UTRN: variants seen among roughly 807,000 people sequenced by gnomAD.
UTRN encodes dystrophin-related protein 1.
UTRN carries 283 observed loss-of-function variants against 463.9 expected under a neutral mutation model. The ratio of observed to expected loss-of-function variants is 0.61; its 90% CI spans 0.55 to 0.67. UTRN has a LOEUF of 0.67. Ranked by LOEUF, UTRN falls within the 30% of genes least tolerant of loss-of-function variation. The probability of loss-of-function intolerance (pLI) is 0.00; values close to 1 mark genes in which losing one functional copy is unlikely to be tolerated. For missense variants in UTRN, 3,922 were observed against 4,084.3 expected, an observed-to-expected ratio of 0.96 and a Z score of 1.08; for synonymous variants, 1,442 against 1,431.5, an observed-to-expected ratio of 1.01 and a Z score of -0.17.
chr6:144,468,991 C>T lies in UTRN; in HGVS notation c.3067-4729C>T, dbSNP rs117628587. ...ATCTTTGGGACTTGATAACCCTTCC[C>T]GCGCGGTGTGCCACGAGGTGGAAAC... On this transcript the variant is annotated intron_variant, in intron 23 of 74. Transcript: ENST00000367545. Among the ~76,000 whole-genome samples the T allele has an allele frequency of 3.9e-3, 594 of 152,236 alleles. 8 individuals are homozygous for T. The East Asian group carries it at 0.042, about 11-fold the overall frequency.
intron 51 of UTRN, among the ~76,000 whole-genome samples, chr6:144,665,592 A>C (rs1340603387): frequency 2.6e-5 from 4 of 152,234 alleles, no homozygotes; most frequent in Admixed American, 2.6e-4. Flanking sequence ...ATTATTAAAT[A>C]AGTAAAAAGT....
intron 51 of UTRN, among the ~76,000 whole-genome samples, chr6:144,587,380 CTGTG>C (rs1015699236): frequency 6.6e-6 from 1 of 151,998 alleles, no homozygotes; most frequent in African/African-American, 2.4e-5. Flanking sequence ...TGCTTTGTGG[CTGTG>C]TGTGTGTGTT....
intron 41 of UTRN, among the ~76,000 whole-genome samples, chr6:144,524,952 A>G (rs1413230397): frequency 2.6e-5 from 4 of 152,138 alleles, no homozygotes; most frequent in African/African-American, 9.7e-5. Context: ...TGAGGTGATC[A>G]TGTGATTTTT....
chr6:144,834,592 A>G lies in UTRN; in HGVS notation c.9666-1188A>G, dbSNP rs76305897. On this transcript the variant is annotated intron_variant, in intron 69 of 74. Transcript: ENST00000367545. ...CAAGATGAATTTTCAAACCAGAATT[A>G]CAAGTACCAGAGGTCTTCCCCAGCA... Among the ~76,000 whole-genome samples the G allele has an allele frequency of 7.4e-4, 113 of 152,310 alleles. 3 individuals carry two copies. The East Asian group carries it at 0.021, about 28-fold the overall frequency.
intron 2 of UTRN, among the ~76,000 whole-genome samples, chr6:144,338,683 G>C (rs1160799852): frequency 6.6e-6 from 1 of 152,182 alleles, no homozygotes; most frequent in Non-Finnish European, 1.5e-5. Context: ...TAGAGGCCCA[G>C]GGAACATTGC....
intron 62 of UTRN, among the ~76,000 whole-genome samples, chr6:144,789,899 T>C (rs1213174314): frequency 6.6e-6 from 1 of 152,202 alleles, no homozygotes; most frequent in African/African-American, 2.4e-5. Flanking sequence ...GAAAGGTATA[T>C]TGGCTTTGGA....
rs1489319417 is a variant in UTRN at position 144,531,245 on chromosome 6, A to T, written c.6057+43A>T. 3.2e-6 allele frequency: 5 copies of T among 1,575,456 alleles called. No individual in the cohort carries two copies. In the East Asian group the frequency reaches 6.7e-5, roughly 21 times the overall value. On this transcript the variant is annotated intron_variant, in intron 42 of 74. Transcript: ENST00000367545. The stretch of plus-strand genomic sequence containing the variant: ...GAGGAGGGGGACTGCACATATGGTT[A>T]GTGTATGCCTGTTAAGACAGATTTC...
At chr6:144,373,009 A>G (rs970683887) in intron 2 of UTRN, among the ~76,000 whole-genome samples, 2 of 152,222 alleles carry the variant, frequency 1.3e-5, no homozygotes, top group African/African-American at 2.4e-5. Flanking sequence ...TGTAATAAAA[A>G]TGGAAAGAAA....
At chr6:144,570,066 C>T (rs945338602) in intron 50 of UTRN, among the ~76,000 whole-genome samples, 1 of 151,968 alleles carries the variant, frequency 6.6e-6, no homozygotes, top group Non-Finnish European at 1.5e-5. Context: ...TGTTTTTTAC[C>T]ACAAAGTTTG....
chr6:144,300,728 CTA>C (rs1453447793), intron 2 of UTRN, among the ~76,000 whole-genome samples: 3 of 152,136 alleles, frequency 2.0e-5, no homozygotes, highest in Non-Finnish European at 4.4e-5. Context: ...GGCTGGTAAT[CTA>C]TGTTAGAACA....
chr6:144,506,760 G>A (rs1239124958), intron 34 of UTRN, among the ~76,000 whole-genome samples: 1 of 152,134 alleles, frequency 6.6e-6, no homozygotes, highest in Non-Finnish European at 1.5e-5. Flanking sequence ...TTCTTGAGGA[G>A]GAGTATCTTT....
rs376997287 is a variant in UTRN, at chr6:144,425,858, G to C, written c.406-429G>C. 1.5e-4 allele frequency among the ~76,000 whole-genome samples: 23 copies of C among 152,262 alleles called. No homozygotes were observed. The East Asian group carries it at 2.9e-3, about 19-fold the overall frequency. ...AAAATGTTAGTTCTAGAGTATAATC[G>C]TGATTGCAGTCAGGAAAGATACTTT... On this transcript the variant is annotated intron_variant, in intron 6 of 74. Transcript: ENST00000367545.
chr6:144,721,791 A>T (rs566514223), intron 53 of UTRN, among the ~76,000 whole-genome samples: 1 of 152,280 alleles, frequency 6.6e-6, no homozygotes, highest in South Asian at 2.1e-4. Flanking sequence ...TGTTTCAGAT[A>T]TACCTTAGAC....
chr6:144,402,892 C>A (rs1309372697), intron 2 of UTRN, among the ~76,000 whole-genome samples: 1 of 152,110 alleles, frequency 6.6e-6, no homozygotes, highest in Non-Finnish European at 1.5e-5. Flanking sequence ...GTGAGACAAC[C>A]TGGTCCCTTG....
At chr6:144,649,202 T>TA (rs1452793570) in intron 51 of UTRN, among the ~76,000 whole-genome samples, 1 of 152,168 alleles carries the variant, frequency 6.6e-6, no homozygotes, top group African/African-American at 2.4e-5. Context: ...AGGAGGCTAT[T>TA]ATTTAAGAAA....
At chr6:144,300,042 G>A (rs1292753327) in intron 2 of UTRN, among the ~76,000 whole-genome samples, 1 of 151,664 alleles carries the variant, frequency 6.6e-6, no homozygotes, top group African/African-American at 2.4e-5. Context: ...GACCACCGTA[G>A]CATTTTCCCT....
At chr6:144,558,415 T>C (rs1308265586) in intron 50 of UTRN, among the ~76,000 whole-genome samples, 2 of 152,184 alleles carry the variant, frequency 1.3e-5, no homozygotes, top group Non-Finnish European at 2.9e-5. Context: ...AACTTTTCTC[T>C]TTTATTATAA....
chr6:144,772,125 C>G (rs1229184000), intron 59 of UTRN, among the ~76,000 whole-genome samples, 157 bp downstream of exon 59: 2 of 144,440 alleles, frequency 1.4e-5, no homozygotes, highest in African/African-American at 5.2e-5. Context: ...CCTCTGCCTC[C>G]CGGATTCAAG....
intron 2 of UTRN, among the ~76,000 whole-genome samples, chr6:144,306,759 G>T (rs1385084842): frequency 6.6e-6 from 1 of 151,922 alleles, no homozygotes; most frequent in African/African-American, 2.4e-5. Context: ...GCAAGATAAT[G>T]TTAAAAATTC....
Sources: allele counts gnomAD v4.1 joint callset (sites outside exome capture counted in the v4.1 genomes callset), GRCh38; gene constraint gnomAD v4.1.1; transcripts MANE v1.5; gene names NCBI Gene and HGNC (gene_info 2026-07-23, HGNC 2026-07-21).